Variants in RP1 observed in about 807,000 individuals in gnomAD.
The protein encoded by RP1 is oxygen-regulated protein 1.
A neutral mutation model predicts 14.8 loss-of-function variants in RP1; 16 were observed. The observed-to-expected ratio is 1.08, with a 90% CI of 0.73 to 1.65. The LOEUF is 1.65. Ranked by LOEUF, RP1 falls within the 40% of genes most tolerant of loss-of-function variation. The pLI, the probability that RP1 is intolerant of heterozygous loss-of-function variation, is 0.00. For missense variants in RP1, 2,631 were observed against 2,535.0 expected, an observed-to-expected ratio of 1.04 and a Z score of -0.81; for synonymous variants, 876 against 883.6, an observed-to-expected ratio of 0.99 and a Z score of 0.15.
chr8:54,756,691 C>T (rs1268657895), intron 21 of RP1, among the ~76,000 whole-genome samples: 2 of 152,160 alleles, frequency 1.3e-5, no homozygotes, highest in African/African-American at 4.8e-5. Context: ...GAAGTGATCT[C>T]CTACAGAACC....
At chr8:54,711,362 T>C (rs993057838) in intron 15 of RP1, among the ~76,000 whole-genome samples, 2 of 152,166 alleles carry the variant, frequency 1.3e-5, no homozygotes, top group East Asian at 3.8e-4. Flanking sequence ...TCTTGGAAGA[T>C]TATTGCATTG....
At position 54,625,078 on chromosome 8, in the gene RP1, AT is replaced by A. The variant is rs1805992664; in HGVS notation, c.1197del (p.Gln400LysfsTer9). ...GTGTCACCTATGGAGCGAAGCAGTAATCAAGAGGGCAGTTTGGCAGAGGAGA... is the reference window on the plus strand; with the variant it reads ...GTGTCACCTATGGAGCGAAGCAGTAACAAGAGGGCAGTTTGGCAGAGGAGA... ...ADVSPMERSS[N>X]QEGSLAEEIN... On this transcript the variant is annotated frameshift_variant, in exon 4 of 4. Transcript: ENST00000220676. LOFTEE classifies it low-confidence loss of function (END_TRUNC). The A allele has an allele frequency of 6.2e-7, 1 of 1,614,058 alleles. No homozygotes were observed. The highest frequency in any genetic ancestry group is 1.3e-5 in the African/African-American group (1 of 74,932).
chr8:54,857,870 T>C (rs943220547), intron 27 of RP1, among the ~76,000 whole-genome samples: 1 of 152,196 alleles, frequency 6.6e-6, no homozygotes, highest in Non-Finnish European at 1.5e-5. Context: ...TCTTTCCTAC[T>C]GGCTCCCTTA....
Position 54,670,301 on chromosome 8 carries a change from T to G in RP1, c.1324-3549T>G, listed in dbSNP as rs532285214. 2.0e-5 allele frequency among the ~76,000 whole-genome samples: 3 copies of G among 151,774 alleles called. No individual in the cohort carries two copies. In the East Asian group the frequency reaches 5.8e-4, roughly 29 times the overall value. ...TACGGTGTTGGTCATGTCCACTTGC[T>G]TTATTGATCTTTTGTTTCATTTTTC... On this transcript the variant is annotated intron_variant, in intron 7 of 22. Transcript: ENST00000636932.
chr8:54,734,807 A>AGTGTGTGT lies in RP1; in HGVS notation c.2721+80_2721+87dup, dbSNP rs112017805. ...TTCAAAGACATTTCTGTAATGTAGA[A>AGTGTGTGT]GTGTGTGTGTGTGTGTGTGTGTGTC... is the stretch of plus-strand genomic sequence containing the variant. On this transcript the variant is annotated intron_variant, in intron 18 of 22. Transcript: ENST00000636932. The AGTGTGTGT allele has an allele frequency of 1.1e-5, 13 of 1,201,180 alleles. No homozygotes were observed. In the African/African-American group the frequency reaches 1.7e-4, roughly 16 times the overall value. 74.4% of individuals were successfully genotyped at this position (1,201,180 alleles called of 1,614,324 possible).
At chr8:54,847,978 T>C (rs2129406869) in intron 25 of RP1, among the ~76,000 whole-genome samples, 1 of 152,374 alleles carries the variant, frequency 6.6e-6, no homozygotes, top group East Asian at 1.9e-4. Context: ...CCTCTAGTCC[T>C]GTAAAAAATA....
At chr8:54,612,977 A>AT (rs1317390942), upstream of RP1, among the ~76,000 whole-genome samples, 1 of 152,146 alleles carries the variant, frequency 6.6e-6, no homozygotes, top group Non-Finnish European at 1.5e-5. Flanking sequence ...AGGATCTAAC[A>AT]TGCTGTAGAT....
At chr8:54,636,878 G>T (rs1424519275) in intron 3 of RP1, among the ~76,000 whole-genome samples, 4 of 152,154 alleles carry the variant, frequency 2.6e-5, no homozygotes. Context: ...TTTCAATATA[G>T]GTCTGTTAGT....
Position 54,628,415 on chromosome 8 carries a change from T to A in RP1, c.4533T>A (p.Ser1511Arg). ...CTTTAGAATTGATAGACATCTCTAG[T>A]AAGAATATTATGGAAGAAAAAAGAA... The part of the protein sequence containing the change: ...SKTLELIDIS[S>R]KNIMEEKRMN... Residue 1511 changes from serine to arginine, a missense_variant, in exon 4 of 4, where the codon AGT (serine) becomes AGA (arginine). Coordinates refer to ENST00000220676, the MANE Select transcript of RP1 (RefSeq NM_006269.2). 3 of 1,613,464 alleles carry A rather than the reference T, an allele frequency of 1.9e-6. No individual in the cohort carries two copies. The highest frequency in any genetic ancestry group is 2.5e-6 in the Non-Finnish European group (3 of 1,179,678).
At chr8:54,735,709 C>T (rs1808901505) in intron 18 of RP1, among the ~76,000 whole-genome samples, 1 of 152,158 alleles carries the variant, frequency 6.6e-6, no homozygotes, top group South Asian at 2.1e-4. Flanking sequence ...TGGCTCCTTG[C>T]ACAGGCAGCC....
At chr8:54,821,738 T>G (rs982490688) in intron 24 of RP1, among the ~76,000 whole-genome samples, 2 of 152,168 alleles carry the variant, frequency 1.3e-5, no homozygotes, top group Non-Finnish European at 2.9e-5. Context: ...CACCGCTAAG[T>G]ACCCCAAGGG....
chr8:54,712,991 A>G (rs1468354849), intron 15 of RP1, among the ~76,000 whole-genome samples: 1 of 152,216 alleles, frequency 6.6e-6, no homozygotes, highest in Non-Finnish European at 1.5e-5. Flanking sequence ...TTTAAGATGC[A>G]TTCAAAGGTA....
intron 1 of RP1, among the ~76,000 whole-genome samples, chr8:54,601,037 G>A (rs1193937815): frequency 1.3e-5 from 2 of 152,108 alleles, no homozygotes; most frequent in African/African-American, 2.4e-5. Context: ...ATAGGGAGAC[G>A]TGGTCTCCTC....
chr8:54,697,326 A>G (rs1302710430), intron 12 of RP1, among the ~76,000 whole-genome samples: 1 of 152,140 alleles, frequency 6.6e-6, no homozygotes, highest in Non-Finnish European at 1.5e-5. Flanking sequence ...AGTCTGAGGC[A>G]GGTGGATCTC....
intron 24 of RP1, among the ~76,000 whole-genome samples, chr8:54,815,375 G>T (rs1345405062): frequency 1.3e-5 from 2 of 152,152 alleles, no homozygotes; most frequent in African/African-American, 4.8e-5. Flanking sequence ...TTTCTTAAAT[G>T]AAATACCAAA....
chr8:54,684,338 G>C (rs531293286), intron 12 of RP1, among the ~76,000 whole-genome samples: 2 of 152,224 alleles, frequency 1.3e-5, no homozygotes, highest in South Asian at 4.1e-4. Context: ...AATGAGTTAG[G>C]GAGGAGTCCC....
chr8:54,657,168 T>C (rs1806773113), intron 6 of RP1, among the ~76,000 whole-genome samples: 1 of 152,182 alleles, frequency 6.6e-6, no homozygotes, highest in Non-Finnish European at 1.5e-5. Flanking sequence ...TTTTTCACCA[T>C]TTAGAAGCAT....
downstream of RP1, chr8:54,770,170 A>G (rs1263336712): frequency 5.0e-6 from 2 of 401,598 alleles, no homozygotes; most frequent in African/African-American, 4.1e-5. Context: ...AGCAAATGGT[A>G]AATGTTGTTG....
chr8:54,613,591 A>G (rs541796069), upstream of RP1, among the ~76,000 whole-genome samples: 149 of 152,302 alleles, frequency 9.8e-4, no homozygotes, highest in African/African-American at 3.4e-3. Context: ...GAGTATATTT[A>G]TACAGATAGA....
Sources: allele counts gnomAD v4.1 joint callset (sites outside exome capture counted in the v4.1 genomes callset), GRCh38; gene constraint gnomAD v4.1.1; transcripts MANE v1.5; gene names NCBI Gene and HGNC (gene_info 2026-07-23, HGNC 2026-07-21).